The following MGAM variants were observed in gnomAD, a reference collection of about 807,000 sequenced individuals.
MGAM encodes alpha-1,4-glucosidase.
Under a neutral mutation model 358.8 loss-of-function variants are expected in MGAM, and 253 were observed. That is an observed-to-expected ratio of 0.71 (90% CI 0.64 to 0.78). The LOEUF (loss-of-function observed/expected upper bound fraction) is 0.78, where lower values mean the gene tolerates loss of function less well. MGAM is among the 30% of genes least tolerant of loss of function. The pLI is 0.00. For synonymous variants in MGAM, 1,105 were observed against 1,227.1 expected, an observed-to-expected ratio of 0.90 and a Z score of 2.08; for missense variants, 3,080 against 3,432.6, an observed-to-expected ratio of 0.90 and a Z score of 2.57.
chr7:142,027,243 C>A lies in MGAM; in HGVS notation c.1095+16C>A. 1 of 1,560,958 alleles carries A rather than the reference C, an allele frequency of 6.4e-7. No homozygotes were observed. The highest frequency in any genetic ancestry group is 8.8e-7 in the Non-Finnish European group (1 of 1,132,308). On this transcript the variant is annotated intron_variant, in intron 9 of 70. Coordinates refer to ENST00000475668, the MANE Select transcript of MGAM (RefSeq NM_001365693.1). The stretch of plus-strand genomic sequence containing the variant: ...ATATCTAGAGGTAAACTTAGGATGT[C>A]AAGATTATGACTCAGGAAATCCTAA...
chr7:142,059,221 G>A (rs956461463), intron 31 of MGAM, among the ~76,000 whole-genome samples: 1 of 152,200 alleles, frequency 6.6e-6, no homozygotes. Flanking sequence ...CTTATCCTCA[G>A]AATAGCCATG....
intron 18 of MGAM, among the ~76,000 whole-genome samples, chr7:142,037,344 T>C (rs528394504): frequency 6.6e-6 from 1 of 152,194 alleles, no homozygotes; most frequent in South Asian, 2.1e-4. Context: ...GATGGTCTCA[T>C]CTGTAATGCA....
intron 3 of MGAM, among the ~76,000 whole-genome samples, chr7:142,017,444 G>A (rs1554456648): frequency 6.6e-6 from 1 of 152,042 alleles, no homozygotes; most frequent in African/African-American, 2.4e-5. Flanking sequence ...TCTTGCAATG[G>A]CTCAGCTCTA....
At chr7:142,002,697 C>T (rs1336234191) in intron 1 of MGAM, among the ~76,000 whole-genome samples, 7 of 152,012 alleles carry the variant, frequency 4.6e-5, no homozygotes, top group African/African-American at 1.4e-4. Flanking sequence ...ATTGTCACCA[C>T]TCATATTCAA....
At chr7:142,041,972 A>ATATATATATAATATAATATATATATAT (rs1808748516) in intron 21 of MGAM, among the ~76,000 whole-genome samples, 15 of 22,920 alleles carry the variant, frequency 6.5e-4, no homozygotes, top group South Asian at 1.2e-3. Flanking sequence ...TATATATATT[A>ATATATATATAATATAATATATATATAT]TATATATATA....
At chr7:142,076,454 A>C (rs1045582973) in intron 46 of MGAM, 2 of 856,164 alleles carry the variant, frequency 2.3e-6, no homozygotes, top group Non-Finnish European at 3.9e-6. Context: ...TATAGTTTTT[A>C]ATTATCTGTG....
At chr7:142,006,260 G>T (rs112358530) in intron 2 of MGAM, among the ~76,000 whole-genome samples, 3 of 151,958 alleles carry the variant, frequency 2.0e-5, no homozygotes, top group African/African-American at 7.2e-5. Context: ...GTCAAAAGGA[G>T]CCAAATAGGA....
intron 47 of MGAM, among the ~76,000 whole-genome samples, chr7:142,077,508 A>T (rs561327499): frequency 6.8e-6 from 1 of 146,088 alleles, no homozygotes; most frequent in South Asian, 2.2e-4. Flanking sequence ...GATAAGAAAA[A>T]TATATGGAAA....
At chr7:142,097,872 C>T (rs1434977607) in intron 66 of MGAM, among the ~76,000 whole-genome samples, 1 of 152,186 alleles carries the variant, frequency 6.6e-6, no homozygotes, top group Non-Finnish European at 1.5e-5. Flanking sequence ...GCATCTCACT[C>T]AGGTTTTTCG....
chr7:142,098,969 GC>G (rs1816200678), intron 66 of MGAM, among the ~76,000 whole-genome samples: 2 of 152,170 alleles, frequency 1.3e-5, no homozygotes, highest in African/African-American at 2.4e-5. Flanking sequence ...AAAAACTATG[GC>G]CCACAGCCAA....
chr7:142,105,373 C>T (rs973105460), intron 70 of MGAM, among the ~76,000 whole-genome samples: 6 of 152,120 alleles, frequency 3.9e-5, no homozygotes, highest in Middle Eastern at 3.4e-3. Context: ...CTGCAGTCTC[C>T]GCCTCCCAAG....
intron 21 of MGAM, among the ~76,000 whole-genome samples, chr7:142,042,904 T>A (rs1809203682): frequency 2.2e-5 from 1 of 46,418 alleles, no homozygotes; most frequent in African/African-American, 6.9e-5. Flanking sequence ...AAATATAATA[T>A]CTATATTATA....
Position 142,055,653 on chromosome 7 carries a change from C to G in MGAM, c.3410C>G (p.Thr1137Ser), listed in dbSNP as rs368334063. The stretch of plus-strand genomic sequence containing the variant: ...AAGTACCTCTATGGCTTTGGGGAAA[C>G]TGAGCACAGGTCCTATAGGAGAGAC... ...PSKYLYGFGE[T>S]EHRSYRRDLE... Residue 1137 changes from threonine (T) to serine (S), a missense_variant, in exon 28 of 71, where the codon ACT becomes AGT. Coordinates refer to ENST00000475668, the MANE Select transcript of MGAM (RefSeq NM_001365693.1). The G allele has an allele frequency of 5.6e-6, 9 of 1,613,850 alleles. No individual in the cohort carries two copies. The highest frequency in any genetic ancestry group is 7.6e-6 in the Non-Finnish European group (9 of 1,179,878).
rs564985277 is a variant in MGAM at position 142,083,698 on chromosome 7, A to C, written c.6381+285A>C. Among the ~76,000 whole-genome samples, 6 of 143,892 alleles carry C rather than the reference A, an allele frequency of 4.2e-5. 2 individuals carry two copies. The South Asian group carries it at 1.3e-3, about 32-fold the overall frequency. 94.4% of individuals were successfully genotyped at this position (143,892 alleles called of 152,430 possible). A position where few individuals can be genotyped will look rare whatever the true frequency, so the allele number is the denominator to read the frequency against. On this transcript the variant is annotated intron_variant, in intron 53 of 70. Coordinates refer to ENST00000475668, the MANE Select transcript of MGAM (RefSeq NM_001365693.1). ...TGGTTATATGGTGGTGGTGATGGTGATGATGGTGGTAGGGGATGATGGTGG... is the reference window on the plus strand; with the variant it reads ...TGGTTATATGGTGGTGGTGATGGTGCTGATGGTGGTAGGGGATGATGGTGG...
intron 47 of MGAM, among the ~76,000 whole-genome samples, chr7:142,077,487 G>A (rs1337411568): frequency 6.9e-6 from 1 of 145,660 alleles, no homozygotes; most frequent in Admixed American, 7.0e-5. Context: ...GCTGTCTAGA[G>A]AAGCATCAAA....
chr7:142,094,553 G>C, intron 61 of MGAM, 56 bp downstream of exon 61: 1 of 1,557,132 alleles, frequency 6.4e-7, no homozygotes, highest in South Asian at 1.1e-5. Flanking sequence ...GGGATCCTTG[G>C]GGAAGAGGTG....
chr7:142,102,601 G>A, intron 68 of MGAM, 29 bp from the exon 69 acceptor site: 1 of 1,607,432 alleles, frequency 6.2e-7, no homozygotes, highest in Non-Finnish European at 8.5e-7. Context: ...ACAGGTCCAG[G>A]CCATGTTTAT....
chr7:142,086,026 G>T, intron 55 of MGAM, 65 bp downstream of exon 55: 1 of 1,526,168 alleles, frequency 6.6e-7, no homozygotes, highest in Non-Finnish European at 9.0e-7. Context: ...TGGAGAAAGT[G>T]TTATACTTTA....
At chr7:141,999,744 A>G (rs1037420460) in intron 1 of MGAM, among the ~76,000 whole-genome samples, 21 of 152,196 alleles carry the variant, frequency 1.4e-4, no homozygotes, top group Admixed American at 7.2e-4. Flanking sequence ...AAACATTTTT[A>G]AAAGCCCTTA....
Sources: allele counts gnomAD v4.1 joint callset (sites outside exome capture counted in the v4.1 genomes callset), GRCh38; gene constraint gnomAD v4.1.1; transcripts MANE v1.5; gene names NCBI Gene and HGNC (gene_info 2026-07-23, HGNC 2026-07-21).